The following FNBP1 variants were observed in gnomAD, a reference collection of about 807,000 sequenced individuals.
FNBP1 encodes the protein formin binding protein 1.
Under a neutral mutation model 90.6 loss-of-function variants are expected in FNBP1, and 26 were observed. The ratio of observed to expected loss-of-function variants is 0.29; its 90% confidence interval spans 0.21 to 0.40. The LOEUF is 0.40. Ranked by LOEUF, FNBP1 falls within the 10% of genes least tolerant of loss-of-function variation. The pLI is 1.00. For synonymous variants in FNBP1, 260 were observed against 265.2 expected (o/e 0.98, Z 0.19); for missense variants, 635 against 768.0 (o/e 0.83, Z 2.05).
At chr9:130,001,676 G>T (rs943152094) in intron 1 of FNBP1, among the ~76,000 whole-genome samples, 1 of 151,994 alleles carries the variant, frequency 6.6e-6, no homozygotes, top group Non-Finnish European at 1.5e-5. Flanking sequence ...GAGGTCAGGA[G>T]TTCGAGACCA....
intron 6 of FNBP1, among the ~76,000 whole-genome samples, chr9:129,931,554 C>T (rs527503545): frequency 4.6e-5 from 7 of 151,754 alleles, no homozygotes; most frequent in African/African-American, 1.2e-4. Flanking sequence ...TGCAATGAGC[C>T]GAGATCGCGC....
intron 10 of FNBP1, among the ~76,000 whole-genome samples, chr9:129,921,449 A>G (rs2041086134): frequency 6.6e-6 from 1 of 151,162 alleles, no homozygotes; most frequent in Admixed American, 6.6e-5. Context: ...GCTGGAGTGC[A>G]ATAGCGTGAT....
intron 1 of FNBP1, among the ~76,000 whole-genome samples, chr9:130,028,672 A>G (rs575941128): frequency 6.6e-6 from 1 of 152,342 alleles, no homozygotes; most frequent in South Asian, 2.1e-4. Context: ...TCAGTGAGGT[A>G]AACACTTTGG....
At chr9:129,980,779 C>T (rs944372256) in intron 2 of FNBP1, among the ~76,000 whole-genome samples, 11 of 151,198 alleles carry the variant, frequency 7.3e-5, no homozygotes, top group Admixed American at 6.6e-4. Context: ...CAGCCAGGCA[C>T]GGTGGCTCAT....
chr9:129,995,570 T>C (rs1209050395), intron 1 of FNBP1, among the ~76,000 whole-genome samples: 3 of 152,136 alleles, frequency 2.0e-5, no homozygotes, highest in East Asian at 3.8e-4. Context: ...GGAGCCTGGG[T>C]AACACAGAAC....
chr9:129,891,153 T>TCAA (rs113290032), intron 16 of FNBP1, among the ~76,000 whole-genome samples: 1 of 135,650 alleles, frequency 7.4e-6, no homozygotes, highest in African/African-American at 2.8e-5. Context: ...AGACTCCGTC[T>TCAA]TAAAAAAAAA....
intron 11 of FNBP1, among the ~76,000 whole-genome samples, chr9:129,913,286 T>C (rs751785650): frequency 1.2e-4 from 18 of 152,188 alleles, no homozygotes; most frequent in Non-Finnish European, 2.2e-4. Flanking sequence ...TTAGCCTCTG[T>C]GCAGGTGTAT....
chr9:130,028,061 T>C (rs2058513680), intron 1 of FNBP1, among the ~76,000 whole-genome samples: 1 of 152,206 alleles, frequency 6.6e-6, no homozygotes, highest in Non-Finnish European at 1.5e-5. Context: ...TGGGCCACCA[T>C]GCCTGGGGGC....
chr9:129,973,305 T>C (rs1464679192), intron 4 of FNBP1, among the ~76,000 whole-genome samples: 6 of 152,174 alleles, frequency 3.9e-5, no homozygotes, highest in Non-Finnish European at 8.8e-5. Context: ...TTATGCTGTG[T>C]GCGCCAATAA....
At chr9:130,046,353 C>A (rs1276373753), upstream of FNBP1, among the ~76,000 whole-genome samples, 1 of 151,956 alleles carries the variant, frequency 6.6e-6, no homozygotes, top group Non-Finnish European at 1.5e-5. Context: ...ATAGCTTAAT[C>A]AATCATGACT....
chr9:129,961,636 C>T (rs1475314106), intron 4 of FNBP1, among the ~76,000 whole-genome samples: 1 of 152,012 alleles, frequency 6.6e-6, no homozygotes. Context: ...GGCGTGATCT[C>T]GGTTCACTGA....
chr9:129,970,331 G>A (rs1406282016), intron 4 of FNBP1, among the ~76,000 whole-genome samples: 3 of 151,926 alleles, frequency 2.0e-5, no homozygotes, highest in African/African-American at 7.3e-5. Context: ...TCAGCCTCCC[G>A]AGTAGCTGGG....
intron 4 of FNBP1, among the ~76,000 whole-genome samples, chr9:129,964,026 C>T (rs915689939): frequency 3.3e-5 from 5 of 152,146 alleles, no homozygotes; most frequent in Non-Finnish European, 5.9e-5. Context: ...CAAAAGCCCT[C>T]CTTTGTGCTC....
chr9:130,002,749 A>G (rs1479023777), intron 1 of FNBP1, among the ~76,000 whole-genome samples: 1 of 152,184 alleles, frequency 6.6e-6, no homozygotes, highest in African/African-American at 2.4e-5. Context: ...ACTTTCAACT[A>G]TTCACTCTAA....
intron 4 of FNBP1, among the ~76,000 whole-genome samples, chr9:129,970,453 G>A (rs112674919): frequency 2.3e-3 from 352 of 151,592 alleles, no homozygotes; most frequent in African/African-American, 8.2e-3. Flanking sequence ...CAATCCACCC[G>A]CCTTGGCCTC....
intron 12 of FNBP1, among the ~76,000 whole-genome samples, chr9:129,906,110 C>T (rs1282370369): frequency 2.6e-5 from 4 of 151,760 alleles, no homozygotes; most frequent in East Asian, 1.9e-4. Flanking sequence ...GTTGAACTCC[C>T]GACCTCAGGT....
In FNBP1 at chr9:130,001,989, C is replaced by T. The variant is rs145234807; in HGVS notation, c.25-7031G>A. Among the ~76,000 whole-genome samples, 1,352 of 148,314 alleles carry T rather than the reference C, an allele frequency of 9.1e-3. 17 individuals carry two copies. Among genetic ancestry groups the T allele is most frequent in the African/African-American group, 0.026 (1,029 of 39,910 alleles). ...GTTGCAATGAACTGAGATCGCGCCACTGCACTCCAGCCTGGGCAACAGAGT... is the reference window on the plus strand; with the variant it reads ...GTTGCAATGAACTGAGATCGCGCCATTGCACTCCAGCCTGGGCAACAGAGT... On this transcript the variant is annotated intron_variant, in intron 1 of 16. Coordinates refer to ENST00000446176, the MANE Select transcript of FNBP1 (RefSeq NM_015033.3).
intron 6 of FNBP1, among the ~76,000 whole-genome samples, chr9:129,956,937 A>G (rs927089658): frequency 3.3e-5 from 5 of 152,076 alleles, no homozygotes; most frequent in African/African-American, 1.2e-4. Context: ...ATGATTCCCC[A>G]TGTAGCGCCT....
chr9:130,053,845 G>T, the FNBP1 span: 1 of 1,304,458 alleles, frequency 7.7e-7, no homozygotes, highest in African/African-American at 1.5e-5. Context: ...TAGCCGCCGA[G>T]CCCCGCTCCC....
Sources: allele counts gnomAD v4.1 joint callset (sites outside exome capture counted in the v4.1 genomes callset), GRCh38; gene constraint gnomAD v4.1.1; transcripts MANE v1.5; gene names NCBI Gene and HGNC (gene_info 2026-07-23, HGNC 2026-07-21).